RNLS: variants seen among roughly 807,000 people sequenced by gnomAD.
RNLS encodes renalase.
Under a neutral mutation model 39.8 loss-of-function variants are expected in RNLS, and 39 were observed. The observed-to-expected ratio is 0.98, with a 90% CI of 0.76 to 1.28. RNLS has a LOEUF of 1.28. Ranked by LOEUF, RNLS falls within the 50% of genes most tolerant of loss-of-function variation. RNLS has a pLI of 0.00. For synonymous variants in RNLS, 147 were observed against 150.7 expected, an observed-to-expected ratio of 0.98 and a Z score of 0.18; for missense variants, 410 against 413.3, an observed-to-expected ratio of 0.99 and a Z score of 0.07.
intron 5 of RNLS, among the ~76,000 whole-genome samples, chr10:88,324,182 A>G (rs574019575): frequency 6.6e-6 from 1 of 152,284 alleles, no homozygotes; most frequent in South Asian, 2.1e-4. Flanking sequence ...GAGATTTCAC[A>G]AGGAACTAAA....
chr10:88,374,746 A>G (rs146660247), intron 4 of RNLS, among the ~76,000 whole-genome samples: 111 of 152,256 alleles, frequency 7.3e-4, no homozygotes, highest in Non-Finnish European at 1.2e-3. Context: ...TTAGCATACA[A>G]TTATTGAGTT....
At chr10:88,329,329 A>G (rs1265813404) in intron 5 of RNLS, among the ~76,000 whole-genome samples, 1 of 152,162 alleles carries the variant, frequency 6.6e-6, no homozygotes, top group East Asian at 1.9e-4. Context: ...CTGGGATGTA[A>G]GTGTGAGCCA....
chr10:88,369,076 T>A (rs538463949), intron 4 of RNLS, among the ~76,000 whole-genome samples: 10 of 152,302 alleles, frequency 6.6e-5, no homozygotes, highest in Non-Finnish European at 1.3e-4. Context: ...AGATTCTTCA[T>A]GTTATTAAAT....
intron 5 of RNLS, among the ~76,000 whole-genome samples, chr10:88,321,295 C>T (rs564031980): frequency 6.6e-6 from 1 of 152,144 alleles, no homozygotes; most frequent in African/African-American, 2.4e-5. Flanking sequence ...TGGGATACAG[C>T]AAAAGCAGGG....
the RNLS span, among the ~76,000 whole-genome samples, chr10:88,185,352 C>A: frequency 6.6e-6 from 1 of 152,110 alleles, no homozygotes; most frequent in Non-Finnish European, 1.5e-5. Flanking sequence ...ATTCTCACTG[C>A]TACTGGACTA....
At chr10:88,219,174 A>C in the RNLS span, among the ~76,000 whole-genome samples, 1 of 152,216 alleles carries the variant, frequency 6.6e-6, no homozygotes, top group Non-Finnish European at 1.5e-5. Flanking sequence ...TTATTTGTTG[A>C]GTAAATGGTT....
intron 4 of RNLS, among the ~76,000 whole-genome samples, chr10:88,396,598 T>C (rs1234405734): frequency 6.6e-6 from 1 of 150,984 alleles, no homozygotes; most frequent in Non-Finnish European, 1.5e-5. Context: ...TTAAGACATA[T>C]AGAAAACAAA....
intron 4 of RNLS, among the ~76,000 whole-genome samples, chr10:88,457,164 G>C (rs1452758968): frequency 6.6e-6 from 1 of 152,198 alleles, no homozygotes; most frequent in Non-Finnish European, 1.5e-5. Flanking sequence ...TGGTGTGGCA[G>C]TGGCTTGAGG....
At chr10:88,255,232 C>T in the RNLS span, among the ~76,000 whole-genome samples, 1 of 152,228 alleles carries the variant, frequency 6.6e-6, no homozygotes, top group Non-Finnish European at 1.5e-5. Context: ...CCTGGAACCA[C>T]CTTTCATTGC....
At chr10:88,221,315 G>A in the RNLS span, among the ~76,000 whole-genome samples, 1 of 152,176 alleles carries the variant, frequency 6.6e-6, no homozygotes, top group East Asian at 1.9e-4. Flanking sequence ...GGTCAAACTG[G>A]TCAGCAGTAC....
chr10:88,403,038 A>G (rs1414314595), intron 4 of RNLS, among the ~76,000 whole-genome samples: 1 of 152,030 alleles, frequency 6.6e-6, no homozygotes, highest in Non-Finnish European at 1.5e-5. Flanking sequence ...CCATCAATTT[A>G]TAGGAAATAC....
chr10:88,174,147 T>C, the RNLS span, among the ~76,000 whole-genome samples: 1 of 152,160 alleles, frequency 6.6e-6, no homozygotes, highest in East Asian at 1.9e-4. Context: ...GGTTTTTTGG[T>C]GGAGTCTTTA....
At chr10:88,544,010 G>A (rs2134297669) in intron 4 of RNLS, among the ~76,000 whole-genome samples, 1 of 152,260 alleles carries the variant, frequency 6.6e-6, no homozygotes, top group South Asian at 2.1e-4. Flanking sequence ...GATGGCCTAG[G>A]AAGGAACCCT....
the RNLS span, among the ~76,000 whole-genome samples, chr10:88,196,631 G>C: frequency 1.8e-4 from 27 of 152,258 alleles, no homozygotes; most frequent in East Asian, 5.2e-3. Context: ...TCAGCTTGAA[G>C]CCTAGAGGAA....
At chr10:88,342,323 C>A (rs1848012868) in intron 5 of RNLS, among the ~76,000 whole-genome samples, 1 of 152,146 alleles carries the variant, frequency 6.6e-6, no homozygotes, top group Non-Finnish European at 1.5e-5. Flanking sequence ...ATACATATTC[C>A]CTATTTCAAG....
the RNLS span, among the ~76,000 whole-genome samples, chr10:88,226,986 G>A: frequency 2.0e-5 from 3 of 151,876 alleles, no homozygotes; most frequent in Non-Finnish European, 4.4e-5. Flanking sequence ...ATAGCCCATG[G>A]GCAAAATCCA....
intron 4 of RNLS, among the ~76,000 whole-genome samples, chr10:88,475,944 A>G (rs1216665969): frequency 6.6e-6 from 1 of 152,162 alleles, no homozygotes. Context: ...AATAGCAGAA[A>G]AATACTAACT....
chr10:88,568,101 A>G (rs1392724709), intron 4 of RNLS, among the ~76,000 whole-genome samples: 3 of 152,218 alleles, frequency 2.0e-5, no homozygotes, highest in African/African-American at 7.2e-5. Flanking sequence ...TGATGAAAGC[A>G]GGAGAAAATA....
At chr10:88,280,576 C>T (rs148740562), downstream of RNLS, among the ~76,000 whole-genome samples, 335 of 152,226 alleles carry the variant, frequency 2.2e-3, 2 homozygotes, top group African/African-American at 7.8e-3. Context: ...TAAAGGACTA[C>T]ATAGTAACTA....
Sources: gnomAD v4.1 joint callset for allele counts (sites outside exome capture counted in the v4.1 genomes callset) on GRCh38, gnomAD v4.1.1 for gene constraint, MANE v1.5 for transcripts, NCBI Gene and HGNC (gene_info 2026-07-23, HGNC 2026-07-21) for gene names.